GARIN2: variants seen among roughly 807,000 people sequenced by gnomAD.
GARIN2 encodes the protein golgi associated RAB2 interactor family member 2.
At chr14:67,215,939 C>T in the GARIN2 span, among the ~76,000 whole-genome samples, 1 of 152,102 alleles carries the variant, frequency 6.6e-6, no homozygotes. Context: ...ATGCCCTAAA[C>T]CATTAGATTC....
chr14:67,225,494 C>A, the GARIN2 span, among the ~76,000 whole-genome samples: 3 of 152,292 alleles, frequency 2.0e-5, no homozygotes, highest in Non-Finnish European at 2.9e-5. Context: ...TCAGGTGAGG[C>A]ACTGGAAGAG....
chr14:67,193,120 CTA>C, the GARIN2 span, among the ~76,000 whole-genome samples: 1 of 143,002 alleles, frequency 7.0e-6, no homozygotes, highest in African/African-American at 2.5e-5. Context: ...AGATATCTCT[CTA>C]TATATCTCTA....
chr14:67,200,040 A>G, the GARIN2 span: 1 of 935,234 alleles, frequency 1.1e-6, no homozygotes. Flanking sequence ...CTGGACACCC[A>G]GGCTCTGGGG....
At chr14:67,201,418 T>G in the GARIN2 span, 1 of 455,962 alleles carries the variant, frequency 2.2e-6, no homozygotes, top group Non-Finnish European at 4.4e-6. Flanking sequence ...CTTTTTGCTC[T>G]GTCACCTTCA....
At chr14:67,204,922 C>G in the GARIN2 span, 1 of 1,613,708 alleles carries the variant, frequency 6.2e-7, no homozygotes, top group Non-Finnish European at 8.5e-7. Flanking sequence ...TGTCACAGAT[C>G]TTCCAGAAAA....
chr14:67,198,351 C>A, the GARIN2 span: 2 of 1,574,156 alleles, frequency 1.3e-6, no homozygotes, highest in Non-Finnish European at 8.7e-7. Context: ...GAGTTAAGTT[C>A]CAATAACTTC....
chr14:67,212,606 T>A, the GARIN2 span, among the ~76,000 whole-genome samples: 1 of 136,152 alleles, frequency 7.3e-6, no homozygotes, highest in African/African-American at 2.7e-5. Flanking sequence ...AAAATATATA[T>A]ATATATATGT....
At chr14:67,191,642 A>G in the GARIN2 span, among the ~76,000 whole-genome samples, 1 of 152,198 alleles carries the variant, frequency 6.6e-6, no homozygotes, top group African/African-American at 2.4e-5. Flanking sequence ...GTATCTAAGA[A>G]TAGTAGTTCT....
chr14:67,198,305 G>C, the GARIN2 span: 1 of 1,613,166 alleles, frequency 6.2e-7, no homozygotes. Flanking sequence ...CCATGTTAGA[G>C]AGCAATTTTA....
chr14:67,223,666 A>G, the GARIN2 span: 6 of 912,766 alleles, frequency 6.6e-6, no homozygotes, highest in Non-Finnish European at 7.9e-6. Context: ...CAAAGTATTA[A>G]TTATTTTCCC....
At chr14:67,204,892 G>C in the GARIN2 span, 1 of 1,613,766 alleles carries the variant, frequency 6.2e-7, no homozygotes, top group South Asian at 1.1e-5. Flanking sequence ...AGAATTCACA[G>C]ACATCACCGA....
At chr14:67,225,284 G>C in the GARIN2 span, 1 of 1,453,912 alleles carries the variant, frequency 6.9e-7, no homozygotes, top group South Asian at 1.4e-5. Flanking sequence ...TTAATTATAA[G>C]TCTCTATAGG....
the GARIN2 span, among the ~76,000 whole-genome samples, chr14:67,220,140 C>G: frequency 3.7e-4 from 56 of 152,110 alleles, no homozygotes; most frequent in African/African-American, 1.3e-3. Flanking sequence ...CTTTGGAACA[C>G]TGATAAAAAA....
At chr14:67,225,083 T>C in the GARIN2 span, 37 of 1,532,470 alleles carry the variant, frequency 2.4e-5, no homozygotes, top group Admixed American at 4.3e-5. Context: ...GATCTCTCCT[T>C]TACTTTCCTT....
At chr14:67,210,554 C>A in the GARIN2 span, among the ~76,000 whole-genome samples, 2 of 152,020 alleles carry the variant, frequency 1.3e-5, no homozygotes, top group South Asian at 4.1e-4. Flanking sequence ...GGGAAGAAAC[C>A]ACAGTTTGGG....
At chr14:67,202,329 T>A in the GARIN2 span, among the ~76,000 whole-genome samples, 3 of 151,982 alleles carry the variant, frequency 2.0e-5, no homozygotes, top group Non-Finnish European at 4.4e-5. Context: ...TAATCCCAGC[T>A]ACTTGGGAGG....
the GARIN2 span, chr14:67,199,300 T>C: frequency 3.1e-6 from 5 of 1,607,998 alleles, no homozygotes; most frequent in African/African-American, 1.3e-5. Flanking sequence ...TCAGACTCTA[T>C]GGGAAGCCAA....
At chr14:67,192,530 C>T in the GARIN2 span, among the ~76,000 whole-genome samples, 6 of 151,610 alleles carry the variant, frequency 4.0e-5, no homozygotes, top group South Asian at 2.1e-4. Flanking sequence ...GCCCGCACAC[C>T]GAGAAGGCAA....
the GARIN2 span, among the ~76,000 whole-genome samples, chr14:67,217,491 ACTTCT>A: frequency 6.6e-6 from 1 of 151,944 alleles, no homozygotes; most frequent in Non-Finnish European, 1.5e-5. Flanking sequence ...TTTGCTCCTT[ACTTCT>A]CTTATTGTTT....
Sources: gnomAD v4.1 joint callset for allele counts (sites outside exome capture counted in the v4.1 genomes callset) on GRCh38, gnomAD v4.1.1 for gene constraint, MANE v1.5 for transcripts, NCBI Gene and HGNC (gene_info 2026-07-23, HGNC 2026-07-21) for gene names.